MSI2: variants seen among roughly 807,000 people sequenced by gnomAD.
MSI2 encodes musashi RNA binding protein 2, also known as RNA-binding protein Musashi homolog 2.
Under a neutral mutation model 45.6 loss-of-function variants are expected in MSI2, and 17 were observed. The ratio of observed to expected loss-of-function variants is 0.37; its 90% CI spans 0.26 to 0.56. MSI2 has a LOEUF of 0.56. MSI2 is among the 20% of genes least tolerant of loss of function. MSI2 has a pLI of 0.77. For missense variants in MSI2, 293 were observed against 444.2 expected (o/e 0.66, Z 3.06); for synonymous variants, 156 against 158.2 (o/e 0.99, Z 0.11).
intron 6 of MSI2, among the ~76,000 whole-genome samples, chr17:57,429,425 C>T (rs2084553921): frequency 6.6e-6 from 1 of 152,210 alleles, no homozygotes; most frequent in Non-Finnish European, 1.5e-5. Context: ...CATCCAGTGA[C>T]TCCTGCTGCC....
Position 57,280,588 on chromosome 17 carries a change from G to T in MSI2, c.312+18396G>T, listed in dbSNP as rs1440853554. Among the ~76,000 whole-genome samples, 3 of 152,158 alleles carry T rather than the reference G, an allele frequency of 2.0e-5. No individual in the cohort carries two copies. Among genetic ancestry groups the T allele is most frequent in the Non-Finnish European group, 4.4e-5 (3 of 68,034 alleles). On this transcript the variant is annotated intron_variant, in intron 5 of 13. Coordinates refer to ENST00000284073, the MANE Select transcript of MSI2 (RefSeq NM_138962.4). The surrounding 1 kb of genome is among the most constrained non-coding windows in gnomAD (Gnocchi z 4.2). ...AACCCCCACCTCCGTGAGATTGAGA[G>T]TGTTGGCCCATGCAGGGGACAGGCA...
At chr17:57,288,733 T>C (rs1350684588) in intron 5 of MSI2, among the ~76,000 whole-genome samples, 4 of 151,936 alleles carry the variant, frequency 2.6e-5, no homozygotes, top group Non-Finnish European at 5.9e-5. Context: ...AGGCTGGGAG[T>C]GTGAGCGTTT....
At chr17:57,431,542 T>C (rs528418766) in intron 6 of MSI2, among the ~76,000 whole-genome samples, 1 of 152,250 alleles carries the variant, frequency 6.6e-6, no homozygotes, top group African/African-American at 2.4e-5. Flanking sequence ...AACCTGCATG[T>C]GGGTTACTGG....
At position 57,468,437 on chromosome 17, in the gene MSI2, C is replaced by T. The variant is rs560241323; in HGVS notation, c.406-61239C>T. 4.1e-5 allele frequency among the ~76,000 whole-genome samples: 6 copies of T among 147,394 alleles called. No individual in the cohort carries two copies. The East Asian group carries it at 8.1e-4, about 20-fold the overall frequency. ...TCAGGAGGCTGAGGCCGGAGAATGG[C>T]GTGAAACTGGGAGGCGGAGCTTGCA... is the stretch of plus-strand genomic sequence containing the variant. On this transcript the variant is annotated intron_variant, in intron 6 of 13. Transcript: ENST00000284073.
chr17:57,311,565 A>G (rs367792431), intron 5 of MSI2, among the ~76,000 whole-genome samples: 1 of 152,208 alleles, frequency 6.6e-6, no homozygotes, highest in African/African-American at 2.4e-5. Context: ...CTATATATAT[A>G]TTTTTAAACA....
At chr17:57,622,600 C>T (rs549593376) in intron 9 of MSI2, among the ~76,000 whole-genome samples, 16 of 152,144 alleles carry the variant, frequency 1.1e-4, no homozygotes, top group African/African-American at 3.4e-4. Context: ...TGAGAAGCCC[C>T]GCGTGAAGTC....
the MSI2 span, among the ~76,000 whole-genome samples, chr17:57,691,613 G>A: frequency 1.3e-5 from 2 of 152,044 alleles, no homozygotes; most frequent in African/African-American, 2.4e-5. Flanking sequence ...GAGTTTAAAG[G>A]GTACTTAACT....
chr17:57,450,589 T>C (rs149691462), intron 6 of MSI2, among the ~76,000 whole-genome samples: 3 of 145,138 alleles, frequency 2.1e-5, no homozygotes, highest in Admixed American at 7.4e-5. Flanking sequence ...AAAATTCGCT[T>C]GAACTCGGGA....
At chr17:57,689,893 T>C in the MSI2 span, among the ~76,000 whole-genome samples, 103 of 152,334 alleles carry the variant, frequency 6.8e-4, no homozygotes, top group African/African-American at 2.4e-3. Flanking sequence ...TTCCATTATA[T>C]AGATATACCC....
chr17:57,545,637 G>A (rs952066631), intron 7 of MSI2, among the ~76,000 whole-genome samples: 2 of 152,180 alleles, frequency 1.3e-5, no homozygotes, highest in Admixed American at 6.5e-5. Flanking sequence ...TGAAATTCTA[G>A]TATTGTGACT....
chr17:57,614,120 G>T (rs4793877), intron 8 of MSI2, among the ~76,000 whole-genome samples: 1 of 151,744 alleles, frequency 6.6e-6, no homozygotes, highest in African/African-American at 2.4e-5. Context: ...GTGCGATCTC[G>T]GCTCACTACA....
rs1169382082 is a variant in MSI2, at chr17:57,627,207, G to A, written c.653-22G>A. The A allele has an allele frequency of 1.2e-6, 2 of 1,613,366 alleles. No homozygotes were observed. On this transcript the variant is annotated intron_variant, in intron 9 of 13. Coordinates refer to ENST00000284073, the MANE Select transcript of MSI2 (RefSeq NM_138962.4). This position sits in a 1 kb window ranked among gnomAD's most constrained non-coding sequence, Gnocchi z 4.6. ...GAGGCGGCTGTACTAACAGGACTCTGATCTTTCTCTTTGTGTTCAAGGATA... is the reference window on the plus strand; with the variant it reads ...GAGGCGGCTGTACTAACAGGACTCTAATCTTTCTCTTTGTGTTCAAGGATA...
At chr17:57,505,930 C>G (rs144032552) in intron 6 of MSI2, among the ~76,000 whole-genome samples, 3 of 152,338 alleles carry the variant, frequency 2.0e-5, no homozygotes, top group African/African-American at 7.2e-5. Context: ...GCTGAGACTT[C>G]TCTAAATAAA....
chr17:57,492,432 A>G (rs2085892102), intron 6 of MSI2, among the ~76,000 whole-genome samples: 1 of 152,250 alleles, frequency 6.6e-6, no homozygotes, highest in South Asian at 2.1e-4. Flanking sequence ...AGGGTTCTCA[A>G]ATAGATATCT....
At chr17:57,286,121 A>G in intron 5 of MSI2, 1 of 671,046 alleles carries the variant, frequency 1.5e-6, no homozygotes, top group African/African-American at 1.8e-5. Flanking sequence ...TCTAATACCT[A>G]ATTCCTTATC....
chr17:57,602,832 A>G (rs1362191404), intron 8 of MSI2, among the ~76,000 whole-genome samples: 1 of 152,142 alleles, frequency 6.6e-6, no homozygotes, highest in African/African-American at 2.4e-5. Flanking sequence ...AGCCCCTAGG[A>G]GCTGGTTAGG....
intron 5 of MSI2, among the ~76,000 whole-genome samples, chr17:57,334,538 A>G (rs1172090593): frequency 6.6e-6 from 1 of 152,186 alleles, no homozygotes; most frequent in African/African-American, 2.4e-5. Context: ...TCATGCCTGT[A>G]ATCCCAGCAC....
chr17:57,684,014 AG>A lies in MSI2; in HGVS notation c.*4503del. 1 of 221,744 alleles carries A rather than the reference AG, an allele frequency of 4.5e-6. No individual in the cohort carries two copies. Among genetic ancestry groups the A allele is most frequent in the Non-Finnish European group, 9.0e-6 (1 of 110,890 alleles). The allele number at this position is 221,744 out of a possible 1,614,324, so 13.7% of individuals were successfully genotyped here. A position where few individuals can be genotyped will look rare whatever the true frequency, so the allele number is the denominator to read the frequency against. On this transcript the variant is annotated 3_prime_UTR_variant, in exon 14 of 14. Coordinates refer to ENST00000284073, the MANE Select transcript of MSI2 (RefSeq NM_138962.4). ...TCCATCCCTCTTGTCGGGGACCTGC[AG>A]GGGGGCAACCTTAATCCAAACACCT... is the stretch of plus-strand genomic sequence containing the variant.
chr17:57,406,629 A>G (rs1441508689), intron 6 of MSI2, among the ~76,000 whole-genome samples: 1 of 147,882 alleles, frequency 6.8e-6, no homozygotes, highest in Non-Finnish European at 1.5e-5. Flanking sequence ...CTGTGTAATT[A>G]GTTTGGAAGA....
Sources: gnomAD v4.1 joint callset for allele counts (sites outside exome capture counted in the v4.1 genomes callset) on GRCh38, gnomAD v4.1.1 for gene constraint, Gnocchi (gnomAD v3.1) non-coding constraint, MANE v1.5 for transcripts, NCBI Gene and HGNC (gene_info 2026-07-23, HGNC 2026-07-21) for gene names.